The following ARHGEF11 variants were observed in gnomAD, a reference collection of about 807,000 sequenced individuals.
ARHGEF11 encodes the protein Rho guanine exchange factor (GEF) 11.
ARHGEF11 carries 55 observed loss-of-function variants against 193.7 expected under a neutral mutation model. The observed-to-expected ratio is 0.28, with a 90% confidence interval of 0.23 to 0.36. ARHGEF11 has a LOEUF of 0.36. Among genes scored for constraint, ARHGEF11 ranks in the 10% least tolerant of loss-of-function variants. The probability of loss-of-function intolerance (pLI) is 1.00; values close to 1 mark genes in which losing one functional copy is unlikely to be tolerated. For synonymous variants in ARHGEF11, 693 were observed against 768.0 expected (o/e 0.90, Z 1.62); for missense variants, 1,723 against 2,005.6 (o/e 0.86, Z 2.69).
chr1:156,984,476 T>C lies in ARHGEF11; in HGVS notation c.125-39A>G, dbSNP rs771163818. The stretch of plus-strand genomic sequence containing the variant: ...AGAAAGGTTGAGTACGCAGTGTCAC[T>C]GGGAGGTTAGTGTACACATGCCAAG... On this transcript the variant is annotated intron_variant, in intron 2 of 40. Transcript: ENST00000368194. 4.7e-6 allele frequency: 7 copies of C among 1,497,954 alleles called. No homozygotes were observed. The South Asian group carries it at 7.3e-5, about 16-fold the overall frequency. The allele number at this position is 1,497,954 out of a possible 1,614,324, so 92.8% of individuals were successfully genotyped here. A position where few individuals can be genotyped will look rare whatever the true frequency, so the allele number is the denominator to read the frequency against.
intron 1 of ARHGEF11, among the ~76,000 whole-genome samples, chr1:157,005,965 C>T (rs1048244045): frequency 6.6e-6 from 1 of 152,204 alleles, no homozygotes; most frequent in Admixed American, 6.5e-5. Context: ...ATTTTGCATT[C>T]TCCTCTGCTG....
intron 29 of ARHGEF11, 68 bp downstream of exon 29, chr1:156,945,977 G>A: frequency 7.8e-7 from 1 of 1,284,758 alleles, no homozygotes; most frequent in Non-Finnish European, 1.1e-6. Context: ...AGGTCACAAA[G>A]CAGTGTCAGA....
At chr1:156,963,716 T>C (rs1199554349) in intron 11 of ARHGEF11, 122 bp from the exon 12 acceptor site, 130 of 1,490,620 alleles carry the variant, frequency 8.7e-5, no homozygotes, top group Middle Eastern at 1.9e-4. Flanking sequence ...CTGGTGAACG[T>C]TGGCATCTCA....
At position 156,941,868 on chromosome 1, in the gene ARHGEF11, T is replaced by C; in HGVS notation, c.3448A>G (p.Ser1150Gly). 13 of 1,609,188 alleles carry C rather than the reference T, an allele frequency of 8.1e-6. No individual in the cohort carries two copies. Among genetic ancestry groups the C allele is most frequent in the Non-Finnish European group, 1.1e-5 (13 of 1,177,640 alleles). ...REPAQQGPTPSRVELDDSDVF... is the reference protein window; with the variant it reads ...REPAQQGPTPGRVELDDSDVF... The stretch of plus-strand genomic sequence containing the variant: ...CTGGAGGGCTAAGCACTGCACCTGC[T>C]GGGTGTGGGGCCCTGCTGGGCTGGC... The change falls in exon 34 of 41, where the codon AGC (serine) becomes GGC (glycine). Residue 1150 changes from serine to glycine, a missense_variant. By Grantham distance (56) the Ser-to-Gly change is moderately conservative. Transcript: ENST00000368194.
At chr1:156,937,042 T>G (rs1557809925) in intron 39 of ARHGEF11, 37 bp from the exon 40 acceptor site, 1 of 1,602,044 alleles carries the variant, frequency 6.2e-7, no homozygotes, top group Non-Finnish European at 8.5e-7. Context: ...GCTCGAGTCC[T>G]TCTATTCCTA....
At chr1:156,937,882 C>G (rs1212956493) in intron 38 of ARHGEF11, among the ~76,000 whole-genome samples, 4 of 152,212 alleles carry the variant, frequency 2.6e-5, no homozygotes, top group African/African-American at 9.7e-5. Context: ...GACTCCAGCT[C>G]TGGATGAACT....
At chr1:157,006,463 G>A (rs749435151) in intron 1 of ARHGEF11, among the ~76,000 whole-genome samples, 1 of 101,934 alleles carries the variant, frequency 9.8e-6, no homozygotes, top group Non-Finnish European at 2.0e-5. Context: ...AGAGACCTAG[G>A]ATGTATTCCA....
chr1:156,947,699 G>A lies in ARHGEF11; in HGVS notation c.2341+70C>T, dbSNP rs1571192547. The stretch of plus-strand genomic sequence containing the variant: ...CCCTATTTACCTCTTTCCCACCCTT[G>A]TGTCTTAGGCATTCTGGACCTATTC... On this transcript the variant is annotated intron_variant, in intron 25 of 40. Coordinates refer to ENST00000368194, the MANE Select transcript of ARHGEF11 (RefSeq NM_198236.3). 1.9e-6 allele frequency: 3 copies of A among 1,563,058 alleles called. No individual in the cohort carries two copies. In the East Asian group the frequency reaches 6.8e-5, roughly 35 times the overall value.
At chr1:157,018,953 CTT>C (rs943563450) in intron 1 of ARHGEF11, among the ~76,000 whole-genome samples, 2 of 152,182 alleles carry the variant, frequency 1.3e-5, no homozygotes, top group African/African-American at 4.8e-5. Context: ...AACCTCAACT[CTT>C]CTCTCACACA....
chr1:156,971,377 T>C (rs1167650045), intron 8 of ARHGEF11, among the ~76,000 whole-genome samples: 1 of 152,214 alleles, frequency 6.6e-6, no homozygotes. Context: ...ATACATCCAC[T>C]ATGAAGAACT....
chr1:157,029,911 T>C (rs902804471), intron 1 of ARHGEF11, among the ~76,000 whole-genome samples: 4 of 152,188 alleles, frequency 2.6e-5, no homozygotes, highest in African/African-American at 9.7e-5. Flanking sequence ...ACATATTGTG[T>C]TATTACATCT....
chr1:156,942,075 C>T (rs951461767), intron 33 of ARHGEF11, 86 bp from the exon 34 acceptor site: 1 of 1,596,900 alleles, frequency 6.3e-7, no homozygotes, highest in Non-Finnish European at 8.5e-7. Context: ...TGGAACAGGG[C>T]TTCCAGGCCC....
chr1:157,004,364 C>T (rs904037802), intron 1 of ARHGEF11, among the ~76,000 whole-genome samples: 1 of 152,188 alleles, frequency 6.6e-6, no homozygotes, highest in Non-Finnish European at 1.5e-5. Context: ...AAATTCAACT[C>T]CATCCCAGGC....
At chr1:156,969,805 T>C (rs564656215) in intron 9 of ARHGEF11, among the ~76,000 whole-genome samples, 193 bp downstream of exon 9, 2 of 152,384 alleles carry the variant, frequency 1.3e-5, no homozygotes, top group East Asian at 3.9e-4. Flanking sequence ...CTATTGGCTA[T>C]ACACTCTATT....
chr1:156,937,063 G>A, intron 39 of ARHGEF11, 58 bp from the exon 40 acceptor site: 2 of 1,590,220 alleles, frequency 1.3e-6, no homozygotes, highest in Admixed American at 1.7e-5. Context: ...AGGCCCCTGG[G>A]GAAGGGGTCT....
At chr1:156,984,312 C>T (rs755871044) in intron 3 of ARHGEF11, 27 bp downstream of exon 3, 33 of 1,547,814 alleles carry the variant, frequency 2.1e-5, no homozygotes, top group African/African-American at 1.2e-4. Flanking sequence ...AACTGTCCAC[C>T]GTGGGCAGGA....
chr1:156,971,862 G>A (rs1662536628), intron 7 of ARHGEF11, 46 bp from the exon 8 acceptor site: 8 of 1,589,058 alleles, frequency 5.0e-6, no homozygotes, highest in Non-Finnish European at 6.9e-6. Flanking sequence ...AAGGCAGAGG[G>A]GTGGTTAATA....
At chr1:157,024,820 A>G (rs1670446363) in intron 1 of ARHGEF11, among the ~76,000 whole-genome samples, 1 of 152,026 alleles carries the variant, frequency 6.6e-6, no homozygotes. Flanking sequence ...TTTTAACTCC[A>G]TAATTATGCC....
In ARHGEF11 at chr1:157,044,451, T is replaced by A; in HGVS notation, c.-121A>T. ...GCCTCCCAACTTGAAGATAGAATCC[T>A]TTCTCCTCCAGCTCTCAGGACCCTG... is the stretch of plus-strand genomic sequence containing the variant. On this transcript the variant is annotated 5_prime_UTR_variant, in exon 1 of 41. It adds an upstream start codon to the 5' untranslated region. Transcript: ENST00000368194. 1 of 880,040 alleles carries A rather than the reference T, an allele frequency of 1.1e-6. No homozygotes were observed. Among genetic ancestry groups the A allele is most frequent in the Non-Finnish European group, 1.9e-6 (1 of 521,884 alleles). The allele number at this position is 880,040 out of a possible 1,614,324, so 54.5% of individuals were successfully genotyped here.
Sources: allele counts gnomAD v4.1 joint callset (sites outside exome capture counted in the v4.1 genomes callset), GRCh38; gene constraint gnomAD v4.1.1; transcripts MANE v1.5; gene names NCBI Gene and HGNC (gene_info 2026-07-23, HGNC 2026-07-21).